Variants in ARHGAP35 observed in about 807,000 individuals in gnomAD.
ARHGAP35 encodes rho GTPase-activating protein 35.
In ARHGAP35, 15 loss-of-function variants were observed where a neutral mutation model predicts 111.1. The ratio of observed to expected loss-of-function variants is 0.13; its 90% CI spans 0.09 to 0.21. ARHGAP35 has a LOEUF of 0.21. Among genes scored for constraint, ARHGAP35 ranks in the 10% least tolerant of loss-of-function variants. ARHGAP35 has a pLI of 1.00. For missense variants in ARHGAP35, 1,262 were observed against 1,873.0 expected (o/e 0.67, Z 6.02); for synonymous variants, 643 against 710.3 (o/e 0.91, Z 1.51).
chr19:46,917,154 A>T (rs1038396929), intron 1 of ARHGAP35, among the ~76,000 whole-genome samples: 1 of 152,124 alleles, frequency 6.6e-6, no homozygotes, highest in African/African-American at 2.4e-5. Context: ...CACTTTCCCC[A>T]GCCCCTGACA....
chr19:46,936,501 T>C (rs1394016336), intron 2 of ARHGAP35, among the ~76,000 whole-genome samples: 1 of 152,246 alleles, frequency 6.6e-6, no homozygotes, highest in Non-Finnish European at 1.5e-5. Context: ...CCTAGCAGAA[T>C]GCCTGCTCTC....
Position 46,918,671 on chromosome 19 carries a change from C to T in ARHGAP35, c.-5C>T, listed in dbSNP as rs766146153. On this transcript the variant is annotated 5_prime_UTR_variant, in exon 2 of 7. An upstream open reading frame in the 5' UTR gains an earlier in-frame stop. Transcript: ENST00000672722. The surrounding 1 kb of genome is among the most constrained non-coding windows in gnomAD (Gnocchi z 5.4). ...AGTGGCTGATCGTGGCAGGATGTGT[C>T]GACGATGATGATGGCAAGAAAGCAA... 126 of 1,608,808 alleles carry T rather than the reference C, an allele frequency of 7.8e-5. No homozygotes were observed. The highest frequency in any genetic ancestry group is 9.9e-5 in the Non-Finnish European group (116 of 1,176,694).
rs1445923813 is a variant in ARHGAP35 at position 46,861,057 on chromosome 19, C to T, written c.-341C>T. Among the ~76,000 whole-genome samples, 1 of 151,264 alleles carries T rather than the reference C, an allele frequency of 6.6e-6. No individual in the cohort carries two copies. Among genetic ancestry groups the T allele is most frequent in the African/African-American group, 2.4e-5 (1 of 41,256 alleles). ...AGGTGGAGGAGGCGGAGGAGGGAAC[C>T]CGCGAGGGAGGGTCCGCCCGGCCCC... is the stretch of plus-strand genomic sequence containing the variant. On this transcript the variant is annotated 5_prime_UTR_variant, in exon 1 of 7. Transcript: ENST00000672722.
At chr19:46,893,239 G>A (rs2056034903) in intron 1 of ARHGAP35, among the ~76,000 whole-genome samples, 1 of 152,174 alleles carries the variant, frequency 6.6e-6, no homozygotes, top group Admixed American at 6.5e-5. Context: ...AAGCAGGAGT[G>A]TGGGGAACAG....
chr19:46,963,403 T>G (rs998708080), intron 3 of ARHGAP35, among the ~76,000 whole-genome samples: 3 of 152,188 alleles, frequency 2.0e-5, no homozygotes, highest in African/African-American at 7.2e-5. Flanking sequence ...GGACCTCAGT[T>G]CAAGCCCCTC....
rs953944575 is a variant in ARHGAP35, at chr19:46,913,492, G to A, written c.-188-4996G>A. ...CACCCTCCTTCTACCTTCCAGTTGCGGCACTCTGGTGGGGACCTTGTGTCT... is the reference window on the plus strand; with the variant it reads ...CACCCTCCTTCTACCTTCCAGTTGCAGCACTCTGGTGGGGACCTTGTGTCT... On this transcript the variant is annotated intron_variant, in intron 1 of 6. Transcript: ENST00000672722. Among the ~76,000 whole-genome samples the A allele has an allele frequency of 5.3e-5, 8 of 152,118 alleles. No individual in the cohort carries two copies. In the South Asian group the frequency reaches 1.0e-3, roughly 20 times the overall value.
chr19:46,865,252 A>G (rs2055848883), intron 1 of ARHGAP35, among the ~76,000 whole-genome samples: 1 of 152,200 alleles, frequency 6.6e-6, no homozygotes, highest in African/African-American at 2.4e-5. Flanking sequence ...CAAGGTAGTA[A>G]CATGTTTTCA....
chr19:46,920,439 T>G lies in ARHGAP35; in HGVS notation c.1764T>G (p.Asn588Lys), dbSNP rs1231788785. The G allele has an allele frequency of 6.8e-6, 11 of 1,613,620 alleles. No individual in the cohort carries two copies. The highest frequency in any genetic ancestry group is 9.3e-6 in the Non-Finnish European group (11 of 1,179,668). The change falls in exon 2 of 7, where the codon AAT (asparagine) becomes AAG (lysine). Residue 588 changes from asparagine (N) to lysine (K), a missense_variant. Physicochemically the swap from Asn to Lys is moderately conservative, Grantham distance 94. Around this residue, in one of 8 missense-constraint regions of ARHGAP35, gnomAD observed 328 missense variants for 440.8 expected, o/e 0.74. Coordinates refer to ENST00000672722, the MANE Select transcript of ARHGAP35 (RefSeq NM_004491.5). This position sits in a 1 kb window ranked among gnomAD's most constrained non-coding sequence, Gnocchi z 7.0. ...FIRPSDRNQK[N>K]SLSDPNIDRI... ...GGCCGTCTGACCGGAATCAGAAAAA[T>G]TCACTCTCTGACCCTAACATTGATA...
intron 1 of ARHGAP35, among the ~76,000 whole-genome samples, chr19:46,868,332 C>T (rs1315226637): frequency 1.3e-5 from 2 of 152,130 alleles, no homozygotes; most frequent in Non-Finnish European, 2.9e-5. Context: ...TAAGAATAAG[C>T]ATAGTTCATC....
rs141357985 is a variant in ARHGAP35 at position 46,891,790 on chromosome 19, A to G, written c.-188-26698A>G. ...GTAAGTCCATTCTATTTTCTGGGAG[A>G]AAGTGTTCAAGTTTTTATCAGATTG... On this transcript the variant is annotated intron_variant, in intron 1 of 6. Transcript: ENST00000672722. 7.9e-3 allele frequency among the ~76,000 whole-genome samples: 1,199 copies of G among 152,132 alleles called. 8 individuals carry two copies. Among genetic ancestry groups the G allele is most frequent in the African/African-American group, 0.027 (1,123 of 41,496 alleles).
intron 1 of ARHGAP35, among the ~76,000 whole-genome samples, chr19:46,892,581 AT>A (rs1199764519): frequency 1.3e-5 from 2 of 151,378 alleles, no homozygotes; most frequent in Non-Finnish European, 2.9e-5. Flanking sequence ...ACTGAGAGCA[AT>A]TTTCTAAAGT....
At chr19:46,987,323 C>T (rs1242558370) in intron 3 of ARHGAP35, among the ~76,000 whole-genome samples, 1 of 147,376 alleles carries the variant, frequency 6.8e-6, no homozygotes, top group African/African-American at 2.5e-5. Flanking sequence ...TCAAGCAATT[C>T]TCCTGCCTCA....
chr19:46,984,993 C>T (rs988382304), intron 3 of ARHGAP35, among the ~76,000 whole-genome samples: 6 of 152,196 alleles, frequency 3.9e-5, no homozygotes, highest in African/African-American at 1.4e-4. Context: ...GACTCAGGAA[C>T]GGTGACATTG....
intron 2 of ARHGAP35, among the ~76,000 whole-genome samples, chr19:46,935,837 A>G (rs921947586): frequency 6.6e-6 from 1 of 152,228 alleles, no homozygotes; most frequent in Non-Finnish European, 1.5e-5. Flanking sequence ...TGTTTAGAGT[A>G]ATTTTTTCTC....
intron 3 of ARHGAP35, among the ~76,000 whole-genome samples, chr19:46,952,094 G>A (rs376353767): frequency 1.3e-5 from 2 of 152,114 alleles, no homozygotes; most frequent in African/African-American, 4.8e-5. Context: ...ACAAAGAAAC[G>A]ATATATATTT....
At chr19:46,865,009 G>T (rs1309134545) in intron 1 of ARHGAP35, among the ~76,000 whole-genome samples, 1 of 152,174 alleles carries the variant, frequency 6.6e-6, no homozygotes, top group East Asian at 1.9e-4. Flanking sequence ...AGGGAGAGAG[G>T]ACACACAGAA....
chr19:46,958,902 G>T (rs1396479336), intron 3 of ARHGAP35, among the ~76,000 whole-genome samples: 1 of 152,108 alleles, frequency 6.6e-6, no homozygotes, highest in Non-Finnish European at 1.5e-5. Flanking sequence ...TGGGGATTGA[G>T]GTCACAGATG....
chr19:46,924,125 A>G (rs2056224921), intron 2 of ARHGAP35, among the ~76,000 whole-genome samples: 1 of 152,200 alleles, frequency 6.6e-6, no homozygotes, highest in Non-Finnish European at 1.5e-5. Context: ...GAACAGAGTT[A>G]CTTGTCTGAA....
chr19:46,975,860 G>A (rs1419343278), intron 3 of ARHGAP35, among the ~76,000 whole-genome samples: 1 of 152,176 alleles, frequency 6.6e-6, no homozygotes, highest in African/African-American at 2.4e-5. Flanking sequence ...GGCGGGACGA[G>A]AGCTGTTAAA....
Sources: gnomAD v4.1 joint callset for allele counts (sites outside exome capture counted in the v4.1 genomes callset) on GRCh38, gnomAD v4.1.1 for gene constraint, gnomAD v4.1.1 regional missense constraint, Gnocchi (gnomAD v3.1) non-coding constraint, MANE v1.5 for transcripts, NCBI Gene and HGNC (gene_info 2026-07-23, HGNC 2026-07-21) for gene names.